Variants in TAB2 observed in about 807,000 individuals in gnomAD.
TAB2 encodes the protein TGF-beta-activated kinase 1 and MAP3K7-binding protein 2.
In TAB2, 3 loss-of-function variants were observed where a neutral mutation model predicts 65.0. The observed-to-expected ratio is 0.05, with a 90% CI of 0.02 to 0.12. The LOEUF (loss-of-function observed/expected upper bound fraction) is 0.12. Among genes scored for constraint, TAB2 ranks in the 10% least tolerant of loss-of-function variants. The pLI, the probability that TAB2 is intolerant of heterozygous loss-of-function variation, is 1.00. For synonymous variants in TAB2, 298 were observed against 285.1 expected (o/e 1.05, Z -0.46); for missense variants, 623 against 840.3 (o/e 0.74, Z 3.20).
intron 1 of TAB2, among the ~76,000 whole-genome samples, chr6:149,362,708 G>T (rs1257411416): frequency 1.3e-5 from 2 of 152,158 alleles, no homozygotes; most frequent in Non-Finnish European, 2.9e-5. Context: ...ATCTGGCTTG[G>T]TGTACTGGGG....
chr6:149,352,019 T>G (rs1052989634), intron 1 of TAB2, among the ~76,000 whole-genome samples: 2 of 152,208 alleles, frequency 1.3e-5, no homozygotes, highest in African/African-American at 4.8e-5. Flanking sequence ...AGAGTAACAT[T>G]TTATTTATTC....
intron 1 of TAB2, among the ~76,000 whole-genome samples, chr6:149,252,623 T>G (rs1434857261): frequency 6.6e-6 from 1 of 152,216 alleles, no homozygotes; most frequent in East Asian, 1.9e-4. Context: ...AAATATTTTA[T>G]ATTAATTATT....
chr6:149,227,890 C>T lies in TAB2; in HGVS notation c.-121+9114C>T, dbSNP rs1323129503. On this transcript the variant is annotated intron_variant, in intron 1 of 1. Coordinates refer to the TAB2 transcript ENST00000606202. The stretch of plus-strand genomic sequence containing the variant: ...CCTTACTTTCTGTGTGTGTTTGAAA[C>T]TCTTCATAATAAAATGTTTTTTAAA... Among the ~76,000 whole-genome samples, 5 of 152,110 alleles carry T rather than the reference C, an allele frequency of 3.3e-5. No individual in the cohort carries two copies. In the East Asian group the frequency reaches 9.6e-4, roughly 29 times the overall value.
In TAB2 at chr6:149,255,551, G is replaced by C. The variant is rs968142145; in HGVS notation, c.-121+36775G>C. 2.6e-5 allele frequency: 4 copies of C among 152,058 alleles called. No individual in the cohort carries two copies. In the East Asian group the frequency reaches 7.7e-4, roughly 29 times the overall value. The allele number at this position is 152,058 out of a possible 1,614,324, so 9.4% of individuals were successfully genotyped here. On this transcript the variant is annotated intron_variant, in intron 1 of 1. Coordinates refer to the TAB2 transcript ENST00000606202. ...TTTGCTGCTTCTTTGTATTTTTCCA[G>C]ATTTATCATATCTTCTATAATTAAC...
At chr6:149,267,044 G>A (rs1232597265) in intron 1 of TAB2, among the ~76,000 whole-genome samples, 1 of 152,172 alleles carries the variant, frequency 6.6e-6, no homozygotes, top group East Asian at 1.9e-4. Flanking sequence ...TTCCTGCAAT[G>A]CGGGAAGTAG....
At chr6:149,229,019 A>G (rs1777343785) in intron 1 of TAB2, among the ~76,000 whole-genome samples, 1 of 152,236 alleles carries the variant, frequency 6.6e-6, no homozygotes, top group Non-Finnish European at 1.5e-5. Flanking sequence ...GGGGGAAATA[A>G]CCATTGGAAA....
chr6:149,318,924 CG>C (rs1207854865), intron 1 of TAB2: 1 of 152,158 alleles, frequency 6.6e-6, no homozygotes, highest in Non-Finnish European at 1.5e-5. Flanking sequence ...TCCAGGAGAG[CG>C]GAGGGAATTT....
intron 1 of TAB2, among the ~76,000 whole-genome samples, chr6:149,308,498 CTATTTATT>C (rs528507201): frequency 5.0e-5 from 7 of 139,390 alleles, no homozygotes; most frequent in East Asian, 2.2e-4. Flanking sequence ...GTGATATTTT[CTATTTATT>C]TATTTATTTA....
intron 1 of TAB2, among the ~76,000 whole-genome samples, chr6:149,265,827 C>G (rs1778253475): frequency 6.6e-6 from 1 of 152,160 alleles, no homozygotes; most frequent in Non-Finnish European, 1.5e-5. Context: ...CTGACACTGA[C>G]CCGCATCAGT....
intron 1 of TAB2, among the ~76,000 whole-genome samples, chr6:149,338,887 C>G (rs1249929728): frequency 1.3e-5 from 2 of 152,130 alleles, no homozygotes; most frequent in African/African-American, 4.8e-5. Context: ...TGAATCATTC[C>G]TATGGCTATA....
chr6:149,254,075 A>G (rs867719248), intron 1 of TAB2, among the ~76,000 whole-genome samples: 4 of 93,510 alleles, frequency 4.3e-5, no homozygotes, highest in African/African-American at 1.3e-4. Flanking sequence ...GGAAGGAAGG[A>G]AGGAAGGAAG....
intron 1 of TAB2, among the ~76,000 whole-genome samples, chr6:149,223,436 A>C (rs1172984688): frequency 6.6e-6 from 1 of 152,202 alleles, no homozygotes; most frequent in Non-Finnish European, 1.5e-5. Context: ...AACCCCTGTG[A>C]TTTTCCAAAT....
intron 1 of TAB2, among the ~76,000 whole-genome samples, chr6:149,339,497 C>G (rs1780033701): frequency 1.3e-5 from 2 of 152,094 alleles, no homozygotes; most frequent in Admixed American, 6.5e-5. Context: ...TGGACTCATA[C>G]ATTGACACTG....
chr6:149,353,470 G>C (rs1366126525), intron 1 of TAB2, among the ~76,000 whole-genome samples: 1 of 152,146 alleles, frequency 6.6e-6, no homozygotes, highest in Non-Finnish European at 1.5e-5. Flanking sequence ...AAGTGATTTA[G>C]ATGTGCATCC....
chr6:149,363,288 A>G (rs905738573), intron 1 of TAB2, among the ~76,000 whole-genome samples: 2 of 152,158 alleles, frequency 1.3e-5, no homozygotes, highest in African/African-American at 2.4e-5. Context: ...TAAACCATTT[A>G]TGAGAAATTC....
At chr6:149,289,025 T>G (rs1778727361) in intron 1 of TAB2, among the ~76,000 whole-genome samples, 1 of 151,764 alleles carries the variant, frequency 6.6e-6, no homozygotes, top group African/African-American at 2.4e-5. Flanking sequence ...GCCCAGCTAA[T>G]TTTTTGTATT....
chr6:149,280,896 C>T (rs1583062565), intron 1 of TAB2, among the ~76,000 whole-genome samples: 1 of 141,932 alleles, frequency 7.0e-6, no homozygotes, highest in East Asian at 2.1e-4. Flanking sequence ...TGTGCTACTA[C>T]ACTCCAGCAT....
At chr6:149,336,114 T>C (rs896060335) in intron 1 of TAB2, among the ~76,000 whole-genome samples, 56 of 152,192 alleles carry the variant, frequency 3.7e-4, no homozygotes, top group African/African-American at 1.3e-3. Context: ...AGTTGCTATA[T>C]GAGAACTGAA....
At chr6:149,316,689 GC>G (rs771285320), upstream of TAB2, among the ~76,000 whole-genome samples, 4 of 152,046 alleles carry the variant, frequency 2.6e-5, no homozygotes, top group South Asian at 8.3e-4. Context: ...AAACTTGAAG[GC>G]CCCCCCTCTT....
Sources: gnomAD v4.1 joint callset for allele counts (sites outside exome capture counted in the v4.1 genomes callset) on GRCh38, gnomAD v4.1.1 for gene constraint, MANE v1.5 for transcripts, NCBI Gene and HGNC (gene_info 2026-07-23, HGNC 2026-07-21) for gene names.